Variants in FSD1L observed in about 807,000 individuals in gnomAD.
The protein encoded by FSD1L is FSD1-like protein.
Under a neutral mutation model 71.6 loss-of-function variants are expected in FSD1L, and 45 were observed. That is an observed-to-expected ratio of 0.63 (90% CI 0.49 to 0.81). The LOEUF (loss-of-function observed/expected upper bound fraction) is 0.81, where lower values mean the gene tolerates loss of function less well. Ranked by LOEUF, FSD1L falls within the 30% of genes least tolerant of loss-of-function variation. The pLI, the probability that FSD1L is intolerant of heterozygous loss-of-function variation, is 0.00. For synonymous variants in FSD1L, 197 were observed against 207.2 expected, an observed-to-expected ratio of 0.95 and a Z score of 0.42; for missense variants, 561 against 618.1, an observed-to-expected ratio of 0.91 and a Z score of 0.98.
chr9:105,508,269 C>T (rs928869701), intron 8 of FSD1L, among the ~76,000 whole-genome samples: 5 of 151,608 alleles, frequency 3.3e-5, no homozygotes, highest in South Asian at 2.1e-4. Flanking sequence ...GCTCCGCCTC[C>T]CCGGTTCACT....
At chr9:105,520,513 AT>A (rs1177076475) in intron 10 of FSD1L, 1 of 1,134,198 alleles carries the variant, frequency 8.8e-7, no homozygotes, top group African/African-American at 1.5e-5. Flanking sequence ...TATACTTTTT[AT>A]TTTTGAGAAA....
rs75247050 is a variant in FSD1L, at chr9:105,514,189, C to G, written c.1025+1253C>G. ...TTTACTGGAAACCAGAATGTGTTCT[C>G]TTTTCAAAATTATCTTCCTCTTATT... is the stretch of plus-strand genomic sequence containing the variant. On this transcript the variant is annotated intron_variant, in intron 10 of 13. Coordinates refer to ENST00000481272, the MANE Select transcript of FSD1L (RefSeq NM_001145313.3). Among the ~76,000 whole-genome samples, 952 of 152,270 alleles carry G rather than the reference C, an allele frequency of 6.3e-3. 15 individuals are homozygous for G. Among genetic ancestry groups the G allele is most frequent in the African/African-American group, 0.022 (903 of 41,544 alleles).
chr9:105,468,396 T>C, intron 4 of FSD1L, 72 bp downstream of exon 4: 1 of 1,210,438 alleles, frequency 8.3e-7, no homozygotes. Context: ...TAAGCAAAAA[T>C]TAATGAATTT....
rs1406937685 is a variant in FSD1L, at chr9:105,479,376, G to A, written c.464G>A (p.Arg155Lys). Residue 155 changes from arginine (R) to lysine (K), a missense_variant and splice_region_variant, in exon 6 of 14, where the codon AGA becomes AAA. This residue lies in a region of FSD1L where 410 missense variants were observed against 413.5 expected (regional missense o/e 0.99). Coordinates refer to ENST00000481272, the MANE Select transcript of FSD1L (RefSeq NM_001145313.3). ...AAGGCTGCCAGACAGATCAAGGATA[G>A]GTATGGTATAAAACACATTTTTACT... ...FSKAARQIKD[R>K]VTMASAFRLS... 1 of 1,549,168 alleles carries A rather than the reference G, an allele frequency of 6.5e-7. No homozygotes were observed.
At chr9:105,485,533 GTT>G (rs34268568) in intron 7 of FSD1L, among the ~76,000 whole-genome samples, 1,037 of 79,418 alleles carry the variant, frequency 0.013, 11 homozygotes, top group African/African-American at 0.045. Context: ...TTGGTTAGGT[GTT>G]TTTTTTTTTT....
At chr9:105,513,687 T>G (rs75201658) in intron 10 of FSD1L, 56,027 of 1,358,994 alleles carry the variant, frequency 0.041, 1,361 homozygotes, top group Non-Finnish European at 0.047. Context: ...CTTGGCTGAT[T>G]AAAAAAACTT....
chr9:105,518,352 A>C (rs534007336), intron 10 of FSD1L, among the ~76,000 whole-genome samples: 2 of 152,362 alleles, frequency 1.3e-5, no homozygotes, highest in East Asian at 3.9e-4. Context: ...AATCAACAGA[A>C]TATACATTCT....
intron 10 of FSD1L, among the ~76,000 whole-genome samples, chr9:105,516,017 C>T (rs1241966618): frequency 7.2e-5 from 11 of 152,110 alleles, no homozygotes; most frequent in African/African-American, 7.2e-5. Flanking sequence ...GGGGGAGGGG[C>T]GTCTGCCATT....
intron 13 of FSD1L, 142 bp from the exon 14 acceptor site, chr9:105,546,216 C>T: frequency 1.4e-6 from 1 of 714,860 alleles, no homozygotes; most frequent in Non-Finnish European, 2.1e-6. Context: ...TCCATTTCCC[C>T]TCAGCTGAAA....
At chr9:105,521,198 G>A (rs1369880823) in intron 10 of FSD1L, 12 of 1,614,066 alleles carry the variant, frequency 7.4e-6, no homozygotes. Context: ...TCTGGCTGGA[G>A]CCAAAACCAC....
chr9:105,475,470 G>A (rs935296823), intron 5 of FSD1L, among the ~76,000 whole-genome samples: 4 of 152,176 alleles, frequency 2.6e-5, no homozygotes, highest in Admixed American at 1.3e-4. Context: ...AAGAAGAGGA[G>A]TGGGTAGAAG....
intron 8 of FSD1L, among the ~76,000 whole-genome samples, chr9:105,507,357 A>G (rs1487444829): frequency 6.6e-6 from 1 of 152,238 alleles, no homozygotes; most frequent in East Asian, 1.9e-4. Context: ...TCCAATGCTT[A>G]TTACGCATGA....
chr9:105,486,562 T>C (rs2131720570), intron 7 of FSD1L, among the ~76,000 whole-genome samples: 1 of 152,258 alleles, frequency 6.6e-6, no homozygotes, highest in East Asian at 1.9e-4. Flanking sequence ...ATAGGAAATA[T>C]GTTTAGAAGT....
At chr9:105,452,570 G>A (rs1281994435) in intron 1 of FSD1L, among the ~76,000 whole-genome samples, 1 of 151,950 alleles carries the variant, frequency 6.6e-6, no homozygotes, top group African/African-American at 2.4e-5. Context: ...AAATGTAACA[G>A]GGATAAGCCC....
Position 105,492,886 on chromosome 9 carries a change from A to C in FSD1L, c.586+8384A>C, listed in dbSNP as rs564698959. Among the ~76,000 whole-genome samples, 1,195 of 152,076 alleles carry C rather than the reference A, an allele frequency of 7.9e-3. 9 individuals are homozygous for C. Among genetic ancestry groups the C allele is most frequent in the Middle Eastern group, 0.02 (6 of 294 alleles). On this transcript the variant is annotated intron_variant, in intron 7 of 13. Transcript: ENST00000481272. The stretch of plus-strand genomic sequence containing the variant: ...GAGACAGTTTGTTATAATTTCTGAT[A>C]TTTTACATTTGCTGAGGAGAGCTTT...
chr9:105,522,551 A>G (rs768044510), intron 10 of FSD1L: 65 of 1,613,600 alleles, frequency 4.0e-5, no homozygotes, highest in Admixed American at 8.3e-5. Flanking sequence ...TTCCCCGCTC[A>G]ACTAGAGTCA....
intron 1 of FSD1L, among the ~76,000 whole-genome samples, chr9:105,451,880 G>A (rs1314605724): frequency 6.6e-6 from 1 of 152,142 alleles, no homozygotes; most frequent in East Asian, 1.9e-4. Context: ...ACATACATAG[G>A]GATCACTCTT....
chr9:105,460,591 CAAAAA>C (rs35223160), intron 1 of FSD1L, among the ~76,000 whole-genome samples: 2 of 66,036 alleles, frequency 3.0e-5, no homozygotes, highest in Admixed American at 1.5e-4. Flanking sequence ...GACTCCATCT[CAAAAA>C]AAAAAAAAAA....
chr9:105,479,995 T>C (rs1468309263), intron 6 of FSD1L, among the ~76,000 whole-genome samples: 3 of 152,220 alleles, frequency 2.0e-5, no homozygotes, highest in Non-Finnish European at 2.9e-5. Context: ...ATTTAGTACT[T>C]GTAATGAACA....
Sources: allele counts gnomAD v4.1 joint callset (sites outside exome capture counted in the v4.1 genomes callset), GRCh38; gene constraint gnomAD v4.1.1; regional missense constraint gnomAD v4.1.1; transcripts MANE v1.5; gene names NCBI Gene and HGNC (gene_info 2026-07-23, HGNC 2026-07-21).